Variants in ERC2 observed in about 807,000 individuals in gnomAD.
The protein encoded by ERC2 is ERC protein 2.
Under a neutral mutation model 114.8 loss-of-function variants are expected in ERC2, and 42 were observed. The ratio of observed to expected loss-of-function variants is 0.37; its 90% CI spans 0.29 to 0.47. The LOEUF is 0.47. Among genes scored for constraint, ERC2 ranks in the 20% least tolerant of loss-of-function variants. ERC2 has a pLI of 0.99. For synonymous variants in ERC2, 454 were observed against 425.5 expected (o/e 1.07, Z -0.82); for missense variants, 939 against 1,150.7 (o/e 0.82, Z 2.66).
chr3:56,437,582 A>T (rs1310347694), intron 1 of ERC2, among the ~76,000 whole-genome samples: 1 of 152,224 alleles, frequency 6.6e-6, no homozygotes, highest in African/African-American at 2.4e-5. Context: ...CTTTCCCTCA[A>T]GAGGTCTTAA....
intron 3 of ERC2, among the ~76,000 whole-genome samples, chr3:56,276,931 C>T (rs2054041002): frequency 6.6e-6 from 1 of 152,176 alleles, no homozygotes; most frequent in South Asian, 2.1e-4. Flanking sequence ...CCACATGTGG[C>T]TTATGGGTTG....
chr3:55,532,622 G>C (rs1275852560), intron 17 of ERC2, among the ~76,000 whole-genome samples: 3 of 152,232 alleles, frequency 2.0e-5, no homozygotes, highest in South Asian at 2.1e-4. Flanking sequence ...TTCTCATTTA[G>C]AGATGAGAAC....
At chr3:56,332,577 C>T (rs2057674608) in intron 2 of ERC2, among the ~76,000 whole-genome samples, 1 of 152,194 alleles carries the variant, frequency 6.6e-6, no homozygotes, top group East Asian at 1.9e-4. Context: ...GGAATTGTTT[C>T]CATCAAATAT....
chr3:55,655,680 G>A (rs2060827042), intron 17 of ERC2, among the ~76,000 whole-genome samples: 2 of 152,272 alleles, frequency 1.3e-5, no homozygotes, highest in South Asian at 2.1e-4. Flanking sequence ...TATAAGGCCA[G>A]GTGCCTTCTT....
At chr3:56,117,762 A>C (rs1252450237) in intron 6 of ERC2, among the ~76,000 whole-genome samples, 1 of 152,242 alleles carries the variant, frequency 6.6e-6, no homozygotes. Context: ...TTCGATGAGC[A>C]CCTGCTCTGT....
intron 2 of ERC2, among the ~76,000 whole-genome samples, chr3:56,308,245 C>T (rs562314334): frequency 1.3e-5 from 2 of 152,278 alleles, no homozygotes; most frequent in African/African-American, 2.4e-5. Context: ...ATTGAGGTTT[C>T]CTCCAGCCAA....
intron 3 of ERC2, among the ~76,000 whole-genome samples, chr3:56,287,088 A>G (rs1201581982): frequency 1.3e-5 from 2 of 152,180 alleles, no homozygotes; most frequent in East Asian, 3.8e-4. Context: ...AAACCCAAAT[A>G]AAGTAGCCCT....
intron 17 of ERC2, among the ~76,000 whole-genome samples, chr3:55,609,412 A>G (rs1186987024): frequency 1.3e-5 from 2 of 152,178 alleles, no homozygotes; most frequent in African/African-American, 4.8e-5. Context: ...CACTTTTTGC[A>G]GGGCCTGTGC....
chr3:55,901,153 G>C (rs2064113996), intron 13 of ERC2, among the ~76,000 whole-genome samples: 1 of 152,022 alleles, frequency 6.6e-6, no homozygotes, highest in African/African-American at 2.4e-5. Context: ...ATGGATCTTG[G>C]GTCTCTTTTG....
At chr3:56,283,632 T>C (rs1350974636) in intron 3 of ERC2, among the ~76,000 whole-genome samples, 3 of 152,218 alleles carry the variant, frequency 2.0e-5, no homozygotes, top group Non-Finnish European at 2.9e-5. Context: ...AGGAGCATTT[T>C]AAAGAAGATC....
chr3:55,999,749 G>T (rs1040729972), intron 10 of ERC2, among the ~76,000 whole-genome samples: 3 of 151,546 alleles, frequency 2.0e-5, no homozygotes, highest in African/African-American at 7.3e-5. Context: ...ATACAAGTTG[G>T]ATCAGGTTTA....
intron 17 of ERC2, among the ~76,000 whole-genome samples, chr3:55,663,624 G>A (rs189962507): frequency 6.6e-6 from 1 of 152,258 alleles, no homozygotes; most frequent in Non-Finnish European, 1.5e-5. Context: ...CCTTCCTTTC[G>A]GAGGGCAAGT....
intron 17 of ERC2, among the ~76,000 whole-genome samples, chr3:55,615,248 A>C (rs1190594855): frequency 2.6e-5 from 4 of 152,216 alleles, no homozygotes; most frequent in Non-Finnish European, 5.9e-5. Flanking sequence ...TAAAAAATAA[A>C]ATACCCAGAG....
intron 3 of ERC2, among the ~76,000 whole-genome samples, chr3:56,224,346 C>A (rs930754534): frequency 3.3e-5 from 5 of 152,124 alleles, no homozygotes; most frequent in East Asian, 3.9e-4. Context: ...CACAAAAAAA[C>A]CAAAATGTCC....
chr3:56,094,678 T>C (rs569469026), intron 6 of ERC2, among the ~76,000 whole-genome samples: 1 of 152,258 alleles, frequency 6.6e-6, no homozygotes, highest in South Asian at 2.1e-4. Context: ...AAAGCTTTGG[T>C]AATTAAAACA....
At chr3:55,646,479 G>A (rs757388077) in intron 17 of ERC2, among the ~76,000 whole-genome samples, 3 of 152,196 alleles carry the variant, frequency 2.0e-5, no homozygotes, top group Non-Finnish European at 2.9e-5. Context: ...TAAAATGGTG[G>A]AATTTAGATG....
intron 17 of ERC2, among the ~76,000 whole-genome samples, chr3:55,603,199 T>A (rs1169855782): frequency 2.0e-5 from 3 of 152,184 alleles, no homozygotes; most frequent in Non-Finnish European, 4.4e-5. Context: ...GAGCAAATAA[T>A]GTCTAAAACC....
At chr3:55,898,924 T>C (rs570461590) in intron 13 of ERC2, among the ~76,000 whole-genome samples, 18 of 152,322 alleles carry the variant, frequency 1.2e-4, no homozygotes, top group African/African-American at 3.8e-4. Flanking sequence ...CATCGCACAG[T>C]AGATCTTCCT....
chr3:56,049,861 T>C (rs995401436), intron 7 of ERC2, among the ~76,000 whole-genome samples: 3 of 145,962 alleles, frequency 2.1e-5, no homozygotes, highest in Non-Finnish European at 4.6e-5. Context: ...TGTGTGTGTG[T>C]ATCCTATTGG....
Sources: allele counts gnomAD v4.1 joint callset (sites outside exome capture counted in the v4.1 genomes callset), GRCh38; gene constraint gnomAD v4.1.1; transcripts MANE v1.5; gene names NCBI Gene and HGNC (gene_info 2026-07-23, HGNC 2026-07-21).